ELOVL4: variants seen among roughly 807,000 people sequenced by gnomAD.
The protein encoded by ELOVL4 is ELOVL fatty acid elongase 4, also known as very long chain fatty acid elongase 4.
A neutral mutation model predicts 42.1 loss-of-function variants in ELOVL4; 18 were observed. The observed-to-expected ratio is 0.43, with a 90% CI of 0.30 to 0.63. ELOVL4 has a LOEUF of 0.63. Among genes scored for constraint, ELOVL4 ranks in the 30% least tolerant of loss-of-function variants. The pLI, the probability that ELOVL4 is intolerant of heterozygous loss-of-function variation, is 0.15. For synonymous variants in ELOVL4, 117 were observed against 127.0 expected (o/e 0.92, Z 0.53); for missense variants, 299 against 376.2 (o/e 0.79, Z 1.70).
chr6:79,916,390 G>A lies in ELOVL4; in HGVS notation c.*218C>T, dbSNP rs1774160709. 1.8e-6 allele frequency: 1 copy of A among 561,710 alleles called. No individual in the cohort carries two copies. The highest frequency in any genetic ancestry group is 3.1e-6 in the Non-Finnish European group (1 of 320,570). The allele number at this position is 561,710 out of a possible 1,614,324, so 34.8% of individuals were successfully genotyped here. ...ATTGCTTTGGTCTGGAGAATATCAAGGCTAATTTTTAAAAAAAATGTTTAA... is the reference window on the plus strand; with the variant it reads ...ATTGCTTTGGTCTGGAGAATATCAAAGCTAATTTTTAAAAAAAATGTTTAA... On this transcript the variant is annotated 3_prime_UTR_variant, in exon 6 of 6. Transcript: ENST00000369816.
At position 79,946,133 on chromosome 6, in the gene ELOVL4, G is replaced by C. The variant is rs60027052; in HGVS notation, c.100+1047C>G. Among the ~76,000 whole-genome samples, 718 of 152,298 alleles carry C rather than the reference G, an allele frequency of 4.7e-3. 9 individuals are homozygous for C. Among genetic ancestry groups the C allele is most frequent in the African/African-American group, 0.016 (684 of 41,556 alleles). On this transcript the variant is annotated intron_variant, in intron 1 of 5. Coordinates refer to ENST00000369816, the MANE Select transcript of ELOVL4 (RefSeq NM_022726.4). ...GTAGGGAAGGCAGAGTCATAAGATG[G>C]AACGTTAATATCCTTCACTGATAGG...
chr6:79,919,624 G>T (rs1175100285), intron 4 of ELOVL4, 77 bp from the exon 5 acceptor site: 3 of 1,235,444 alleles, frequency 2.4e-6, no homozygotes, highest in African/African-American at 3.0e-5. Flanking sequence ...TACAATAAAT[G>T]AATACACATT....
intron 5 of ELOVL4, among the ~76,000 whole-genome samples, 163 bp from the exon 6 acceptor site, chr6:79,917,046 A>AATGCC (rs1774175155): frequency 6.6e-6 from 1 of 152,120 alleles, no homozygotes; most frequent in East Asian, 1.9e-4. Flanking sequence ...TCACAACTCA[A>AATGCC]ATGCCATCTC....
intron 2 of ELOVL4, among the ~76,000 whole-genome samples, chr6:79,925,563 C>T (rs1774329026): frequency 6.6e-6 from 1 of 152,110 alleles, no homozygotes; most frequent in African/African-American, 2.4e-5. Context: ...GAAACAAATT[C>T]TTTATACATA....
intron 1 of ELOVL4, among the ~76,000 whole-genome samples, chr6:79,931,397 C>T (rs1358759631): frequency 1.3e-5 from 2 of 152,080 alleles, no homozygotes; most frequent in Non-Finnish European, 2.9e-5. Context: ...AAGCAAGAGC[C>T]TCATGTAACC....
chr6:79,933,778 G>C (rs980796806), intron 1 of ELOVL4, among the ~76,000 whole-genome samples: 3 of 152,206 alleles, frequency 2.0e-5, no homozygotes, highest in Non-Finnish European at 4.4e-5. Flanking sequence ...CAGGCAGGCA[G>C]ACTTGGAGAC....
chr6:79,925,051 T>A lies in ELOVL4; in HGVS notation c.289-19A>T. On this transcript the variant is annotated intron_variant, in intron 2 of 5. Transcript: ENST00000369816. Reference sequence around the variant, plus strand: ...TGAATAACTGGAAAAAGAGTAATAATATTTGTAGTAAAGTTTTAGTAAACA... The same window carrying A: ...TGAATAACTGGAAAAAGAGTAATAAAATTTGTAGTAAAGTTTTAGTAAACA... 1 of 1,515,892 alleles carries A rather than the reference T, an allele frequency of 6.6e-7. No homozygotes were observed. The highest frequency in any genetic ancestry group is 1.1e-5 in the South Asian group (1 of 88,912). The allele number at this position is 1,515,892 out of a possible 1,614,324, so 93.9% of individuals were successfully genotyped here. A position where few individuals can be genotyped will look rare whatever the true frequency, so the allele number is the denominator to read the frequency against.
At chr6:79,921,860 TGTAA>T (rs757975990) in intron 3 of ELOVL4, 64 bp from the exon 4 acceptor site, 55 of 1,477,478 alleles carry the variant, frequency 3.7e-5, no homozygotes, top group South Asian at 1.4e-4. Context: ...TTATACTCAT[TGTAA>T]GTAAGTCCAA....
intron 1 of ELOVL4, 150 bp downstream of exon 1, chr6:79,947,030 C>A: frequency 1.5e-6 from 1 of 679,220 alleles, no homozygotes; most frequent in Non-Finnish European, 2.6e-6. Flanking sequence ...TGCTCAACCG[C>A]AGTGCCCGCG....
chr6:79,944,987 CA>C (rs200726708), intron 1 of ELOVL4, among the ~76,000 whole-genome samples: 11,393 of 92,032 alleles, frequency 0.12, 197 homozygotes, highest in Non-Finnish European at 0.17. Context: ...TGAATGAGTC[CA>C]AAAAAAAAAA....
Position 79,916,709 on chromosome 6 carries a change from C to T in ELOVL4, c.844G>A (p.Ala282Thr), listed in dbSNP as rs1439507939. Residue 282 changes from alanine to threonine, a missense_variant, in exon 6 of 6, where the codon GCC becomes ACC. Coordinates refer to ENST00000369816, the MANE Select transcript of ELOVL4 (RefSeq NM_022726.4). ...EPKKPKAGKT[A>T]MNGISANGVS... ...CCATTTGCTGAAATACCATTCATGG[C>T]TGTTTTTCCAGCTTTTGGTTTCTTA... 8.7e-6 allele frequency: 14 copies of T among 1,614,020 alleles called. No homozygotes were observed. In the South Asian group the frequency reaches 1.4e-4, roughly 16 times the overall value.
intron 1 of ELOVL4, among the ~76,000 whole-genome samples, chr6:79,943,941 GAA>G (rs149408430): frequency 0.062 from 9,451 of 152,078 alleles, 393 homozygotes; most frequent in South Asian, 0.11. Context: ...CTATATCTGC[GAA>G]AAGAGGGCCA....
At position 79,916,151 on chromosome 6, in the gene ELOVL4, T is replaced by C. The variant is rs1385538670; in HGVS notation, c.*457A>G. The C allele has an allele frequency of 1.1e-5, 2 of 182,854 alleles. No homozygotes were observed. Among genetic ancestry groups the C allele is most frequent in the African/African-American group, 4.8e-5 (2 of 41,748 alleles). 11.3% of individuals were successfully genotyped at this position (182,854 alleles called of 1,614,324 possible). On this transcript the variant is annotated 3_prime_UTR_variant, in exon 6 of 6. Coordinates refer to ENST00000369816, the MANE Select transcript of ELOVL4 (RefSeq NM_022726.4). ...ATTCAAATGTGCAAGTTTAAGTGTA[T>C]ACACATTTTCAGCTTTGGACAAGAA...
chr6:79,934,522 C>A (rs1203140194), intron 1 of ELOVL4, among the ~76,000 whole-genome samples: 1 of 152,136 alleles, frequency 6.6e-6, no homozygotes, highest in Admixed American at 6.5e-5. Context: ...CCTATTCTCT[C>A]CCAAATTTAC....
At chr6:79,924,834 C>T (rs1774317317) in intron 3 of ELOVL4, 118 bp downstream of exon 3, 2 of 711,328 alleles carry the variant, frequency 2.8e-6, no homozygotes, top group Admixed American at 4.3e-5. Context: ...GAAACTGTCT[C>T]TAAATGAATG....
rs1774151890 is a variant in ELOVL4 at position 79,915,940 on chromosome 6, C to T, written c.*668G>A. On this transcript the variant is annotated 3_prime_UTR_variant, in exon 6 of 6. Transcript: ENST00000369816. ...TGTTTCCCCACAGTGATTTGTGCCTCAAGTCATGGTGATCTCTGGGTCACC... is the reference window on the plus strand; with the variant it reads ...TGTTTCCCCACAGTGATTTGTGCCTTAAGTCATGGTGATCTCTGGGTCACC... 2 of 152,666 alleles carry T rather than the reference C, an allele frequency of 1.3e-5. No homozygotes were observed. The highest frequency in any genetic ancestry group is 1.3e-4 in the Admixed American group (2 of 15,286). The allele number at this position is 152,666 out of a possible 1,614,324, so 9.5% of individuals were successfully genotyped here.
rs1196578164 is a variant in ELOVL4, at chr6:79,923,511, T to C, written c.369+1441A>G. Among the ~76,000 whole-genome samples, 3 of 152,220 alleles carry C rather than the reference T, an allele frequency of 2.0e-5. No homozygotes were observed. The East Asian group carries it at 5.8e-4, about 29-fold the overall frequency. On this transcript the variant is annotated intron_variant, in intron 3 of 5. Coordinates refer to ENST00000369816, the MANE Select transcript of ELOVL4 (RefSeq NM_022726.4). ...AAACACTTATCCCTGTTCCCTTCCCTACGGCAAGCAAGAAGTCAGCCCTCC... is the reference window on the plus strand; with the variant it reads ...AAACACTTATCCCTGTTCCCTTCCCCACGGCAAGCAAGAAGTCAGCCCTCC...
In ELOVL4 at chr6:79,926,232, A is replaced by G. The variant is rs1774340122; in HGVS notation, c.250T>C (p.Phe84Leu). ...QMRLVLIIYN[F>L]GMVLLNLFIF... ...AAGAGGTTAAGCAAAACCATCCCAA[A>G]ATTATAGATAATGAGCACTAGACGC... The change falls in exon 2 of 6, where the codon TTT (phenylalanine) becomes CTT (leucine). Residue 84 changes from phenylalanine to leucine, a missense_variant. Transcript: ENST00000369816. The G allele has an allele frequency of 6.2e-7, 1 of 1,613,766 alleles. No individual in the cohort carries two copies. Among genetic ancestry groups the G allele is most frequent in the African/African-American group, 1.3e-5 (1 of 74,886 alleles).
At chr6:79,937,995 C>T (rs1387583787) in intron 1 of ELOVL4, among the ~76,000 whole-genome samples, 1 of 152,218 alleles carries the variant, frequency 6.6e-6, no homozygotes, top group Non-Finnish European at 1.5e-5. Flanking sequence ...TCCCAAAGTG[C>T]TGGGATTACA....
Sources: gnomAD v4.1 joint callset for allele counts (sites outside exome capture counted in the v4.1 genomes callset) on GRCh38, gnomAD v4.1.1 for gene constraint, MANE v1.5 for transcripts, NCBI Gene and HGNC (gene_info 2026-07-23, HGNC 2026-07-21) for gene names.